The following ZNF827 variants were observed in gnomAD, a reference collection of about 807,000 sequenced individuals.
ZNF827 encodes zinc finger protein 827.
ZNF827 carries 13 observed loss-of-function variants against 102.4 expected under a neutral mutation model. That is an observed-to-expected ratio of 0.13 (90% CI 0.08 to 0.20). ZNF827 has a LOEUF of 0.20. Among genes scored for constraint, ZNF827 ranks in the 10% least tolerant of loss-of-function variants. The pLI is 1.00. For synonymous variants in ZNF827, 523 were observed against 536.2 expected (o/e 0.98, Z 0.34); for missense variants, 1,103 against 1,344.4 (o/e 0.82, Z 2.81).
chr4:145,885,347 C>A (rs115685090), intron 4 of ZNF827, among the ~76,000 whole-genome samples: 1 of 151,974 alleles, frequency 6.6e-6, no homozygotes, highest in African/African-American at 2.4e-5. Context: ...CAATGTCACA[C>A]AAGCAACTGA....
intron 4 of ZNF827, among the ~76,000 whole-genome samples, chr4:145,884,690 C>G (rs1008854582): frequency 2.0e-5 from 3 of 152,046 alleles, no homozygotes; most frequent in African/African-American, 7.2e-5. Context: ...TGCCCCTTTT[C>G]AACACCACGA....
intron 11 of ZNF827, among the ~76,000 whole-genome samples, chr4:145,774,178 T>C (rs1271438787): frequency 6.6e-6 from 1 of 152,106 alleles, no homozygotes; most frequent in Non-Finnish European, 1.5e-5. Context: ...TGAGAGCCAG[T>C]GTGCAAAGGC....
intron 1 of ZNF827, among the ~76,000 whole-genome samples, chr4:145,934,018 A>T (rs777471645): frequency 2.0e-5 from 3 of 152,218 alleles, no homozygotes; most frequent in Non-Finnish European, 4.4e-5. Context: ...TATAGCTCAA[A>T]GGGCCTCTTG....
chr4:145,841,118 A>C (rs1166516556), intron 7 of ZNF827, among the ~76,000 whole-genome samples: 1 of 152,200 alleles, frequency 6.6e-6, no homozygotes, highest in Non-Finnish European at 1.5e-5. Context: ...TTATACCCCC[A>C]TGGACACTGA....
chr4:145,821,381 G>A (rs542366900), intron 8 of ZNF827, among the ~76,000 whole-genome samples: 119 of 152,224 alleles, frequency 7.8e-4, no homozygotes, highest in South Asian at 1.5e-3. Context: ...TCTCCACACC[G>A]TTAACTTTGA....
At chr4:145,764,336 G>A (rs1405757590) in intron 13 of ZNF827, among the ~76,000 whole-genome samples, 1 of 152,158 alleles carries the variant, frequency 6.6e-6, no homozygotes, top group African/African-American at 2.4e-5. Context: ...CTGTGTGCCT[G>A]TTGGCACCTG....
chr4:145,866,179 T>G (rs929954732), intron 5 of ZNF827, among the ~76,000 whole-genome samples: 7 of 152,212 alleles, frequency 4.6e-5, no homozygotes, highest in Admixed American at 2.6e-4. Flanking sequence ...AACCTGCATC[T>G]TCTACTAAAT....
chr4:145,898,436 A>C (rs991721674), intron 2 of ZNF827, among the ~76,000 whole-genome samples: 2 of 152,152 alleles, frequency 1.3e-5, no homozygotes, highest in African/African-American at 4.8e-5. Context: ...ATTTCTTTTA[A>C]ACAGGAGTCT....
chr4:145,830,319 G>C (rs1324262627), intron 7 of ZNF827: 1 of 151,668 alleles, frequency 6.6e-6, no homozygotes, highest in Non-Finnish European at 1.5e-5. Flanking sequence ...AAGAAAGGTG[G>C]GTTTATTCAA....
In ZNF827 at chr4:145,916,668, A is replaced by G. The variant is rs1259962378; in HGVS notation, c.44-13453T>C. On this transcript the variant is annotated intron_variant, in intron 1 of 14. Transcript: ENST00000508784. ...TGAAAATGTTCTTTCATTCTCTGCT[A>G]CATGGCCAGGCTGAGAATCCTTCAA... Among the ~76,000 whole-genome samples the G allele has an allele frequency of 1.3e-5, 2 of 152,208 alleles. 1 individual carries two copies. The highest frequency in any genetic ancestry group is 3.9e-4 in the East Asian group (2 of 5,192).
rs374550336 is a variant in ZNF827, at chr4:145,837,521, C to G, written c.2279+8435G>C. ...CTACTATTTTCTGTCTAGTCATACT[C>G]CTATTCACCGTTCTCAACTACTCAT... On this transcript the variant is annotated intron_variant, in intron 7 of 14. Coordinates refer to ENST00000508784, the MANE Select transcript of ZNF827 (RefSeq NM_001306215.2). Among the ~76,000 whole-genome samples the G allele has an allele frequency of 2.0e-5, 3 of 152,276 alleles. No individual in the cohort carries two copies. In the East Asian group the frequency reaches 5.8e-4, roughly 29 times the overall value.
At chr4:145,815,963 G>A (rs1742556036) in intron 8 of ZNF827, among the ~76,000 whole-genome samples, 1 of 152,248 alleles carries the variant, frequency 6.6e-6, no homozygotes, top group South Asian at 2.1e-4. Flanking sequence ...CTGTTCAGAG[G>A]AAGAAACCAG....
chr4:145,853,974 T>TA (rs138471329), intron 5 of ZNF827, among the ~76,000 whole-genome samples: 4,178 of 149,916 alleles, frequency 0.028, 104 homozygotes, highest in South Asian at 0.037. Context: ...AAGTCTCAAT[T>TA]AAAAAAAAAT....
intron 4 of ZNF827, among the ~76,000 whole-genome samples, chr4:145,875,071 G>A (rs938826690): frequency 1.3e-5 from 2 of 152,134 alleles, no homozygotes; most frequent in African/African-American, 4.8e-5. Context: ...TGTATAACTA[G>A]AAAATACTAT....
In ZNF827 at chr4:145,779,450, C is replaced by T; in HGVS notation, c.2445G>A (p.Gln815=). ...TCCCACACACGTCACAGGGAAAAAG[C>T]TGGTCATTGAATTTCCAGGATGGTA... ...NGLPSWKFND[Q]LFPCDVCGKV... The change falls in exon 9 of 15, where the codon CAG becomes CAA. Residue 815 remains glutamine (Q), a synonymous_variant. Coordinates refer to ENST00000508784, the MANE Select transcript of ZNF827 (RefSeq NM_001306215.2). The T allele has an allele frequency of 6.2e-7, 1 of 1,614,258 alleles. No homozygotes were observed. The highest frequency in any genetic ancestry group is 8.5e-7 in the Non-Finnish European group (1 of 1,180,054).
chr4:145,926,792 A>G, intron 1 of ZNF827, among the ~76,000 whole-genome samples: 1 of 152,018 alleles, frequency 6.6e-6, no homozygotes, highest in East Asian at 1.9e-4. Flanking sequence ...AGTACGCCCA[A>G]GTCATGTTTA....
intron 1 of ZNF827, among the ~76,000 whole-genome samples, chr4:145,905,389 G>A (rs773095985): frequency 9.2e-5 from 14 of 152,118 alleles, no homozygotes; most frequent in Non-Finnish European, 8.8e-5. Flanking sequence ...TCTCTTTCAC[G>A]AAGCTAAAAT....
intron 1 of ZNF827, among the ~76,000 whole-genome samples, chr4:145,908,146 G>GT (rs145966293): frequency 0.01 from 1,531 of 152,238 alleles, 30 homozygotes; most frequent in African/African-American, 0.035. Context: ...CAGAAAGATT[G>GT]TGAGTGCACA....
At chr4:145,783,073 C>CAT (rs35483499) in intron 8 of ZNF827, among the ~76,000 whole-genome samples, 14 of 151,120 alleles carry the variant, frequency 9.3e-5, no homozygotes, top group South Asian at 2.1e-4. Flanking sequence ...TTCTATAAGC[C>CAT]ATATATATAT....
Sources: allele counts gnomAD v4.1 joint callset (sites outside exome capture counted in the v4.1 genomes callset), GRCh38; gene constraint gnomAD v4.1.1; transcripts MANE v1.5; gene names NCBI Gene and HGNC (gene_info 2026-07-23, HGNC 2026-07-21).